The following ERN2 variants were observed in gnomAD, a reference collection of about 807,000 sequenced individuals.
ERN2 encodes endoplasmic reticulum to nucleus signaling 2, also known as serine/threonine-protein kinase/endoribonuclease IRE2.
In ERN2, 111 loss-of-function variants were observed where a neutral mutation model predicts 107.9. The ratio of observed to expected loss-of-function variants is 1.03; its 90% CI spans 0.88 to 1.20. ERN2 has a LOEUF of 1.20. ERN2 is among the 50% of genes most tolerant of loss of function. The pLI, the probability that ERN2 is intolerant of heterozygous loss-of-function variation, is 0.00. For missense variants in ERN2, 1,225 were observed against 1,197.9 expected (o/e 1.02, Z -0.33); for synonymous variants, 524 against 501.7 (o/e 1.04, Z -0.59).
intron 2 of ERN2, 137 bp downstream of exon 2, chr16:23,710,776 C>T (rs980077375): frequency 2.4e-6 from 2 of 827,184 alleles, no homozygotes; most frequent in Admixed American, 4.4e-5. Flanking sequence ...GGCCACACAG[C>T]TGGTAAGCAG....
chr16:23,704,838 A>G (rs1960229953), intron 8 of ERN2, 45 bp downstream of exon 8: 1 of 1,586,186 alleles, frequency 6.3e-7, no homozygotes, highest in Non-Finnish European at 8.5e-7. Context: ...AGGTTGCGAC[A>G]CTCCCAGATG....
In ERN2 at chr16:23,707,036, C is replaced by G; in HGVS notation, c.350G>C (p.Cys117Ser). Residue 117 changes from cysteine (C) to serine (S), a missense_variant, in exon 5 of 22, where the codon TGC becomes TCC. Transcript: ENST00000256797. Reference protein sequence around the residue: ...TIPELVHASPCRSSDGVFYTG... With the variant: ...TIPELVHASPSRSSDGVFYTG... ...GTAGAAGACCCCATCAGAGCTGCGG[C>G]AGGGAGAGGCATGAACCAGCTCAGG... 6.2e-7 allele frequency: 1 copy of G among 1,614,134 alleles called. No individual in the cohort carries two copies. The highest frequency in any genetic ancestry group is 8.5e-7 in the Non-Finnish European group (1 of 1,180,002).
At position 23,691,993 on chromosome 16, in the gene ERN2, C is replaced by T. The variant is rs1226637252; in HGVS notation, c.2346G>A (p.Trp782Ter). ...AGAACTGGAGTTGCTTGGCTCTGCT[C>T]CAAAAGAAGGGGTGGGCCAGCACCT... ...APQVLAHPFF[W>*]SRAKQLQFFQ... The change falls in exon 19 of 22, where the codon TGG becomes TGA. Residue 782 changes from tryptophan (W) to a stop codon, truncating the protein, a stop_gained. Transcript: ENST00000256797. LOFTEE classifies it high-confidence loss of function. 1 of 1,613,562 alleles carries T rather than the reference C, an allele frequency of 6.2e-7. No individual in the cohort carries two copies. Among genetic ancestry groups the T allele is most frequent in the South Asian group, 1.1e-5 (1 of 91,014 alleles).
rs1343132033 is a variant in ERN2, at chr16:23,710,911, A to G, written c.199+2T>C. 1 of 1,607,414 alleles carries G rather than the reference A, an allele frequency of 6.2e-7. No homozygotes were observed. The highest frequency in any genetic ancestry group is 8.5e-7 in the Non-Finnish European group (1 of 1,174,034). On this transcript the variant is annotated splice_donor_variant, in intron 2 of 21. Coordinates refer to ENST00000256797, the MANE Select transcript of ERN2 (RefSeq NM_033266.4). LOFTEE classifies it high-confidence loss of function. ...AGGGAGGAGGGACCACCTCTTGCTC[A>G]CCATCCCTCAGAGTCCACTTCAGGT...
intron 8 of ERN2, 59 bp downstream of exon 8, chr16:23,704,824 A>C: frequency 6.4e-7 from 1 of 1,562,150 alleles, no homozygotes; most frequent in Non-Finnish European, 8.7e-7. Flanking sequence ...TGGCCATCAG[A>C]CCCAGGTTGC....
chr16:23,695,755 A>G (rs1417159882), intron 14 of ERN2, 139 bp downstream of exon 14: 6 of 581,124 alleles, frequency 1.0e-5, no homozygotes, highest in African/African-American at 1.9e-5. Context: ...AAACAGATAA[A>G]GGAAAGAGCA....
rs201293492 is a variant in ERN2, at chr16:23,707,552, G to GA, written c.307-474dup. ...AACACGGTGAGACCTCGTCTCTACA[G>GA]AAAAAAAAAAAAATTTGCTGAATAT... On this transcript the variant is annotated intron_variant, in intron 4 of 21. Coordinates refer to ENST00000256797, the MANE Select transcript of ERN2 (RefSeq NM_033266.4). Among the ~76,000 whole-genome samples the GA allele has an allele frequency of 8.6e-3, 1,257 of 145,556 alleles. 2 individuals are homozygous for GA. Among genetic ancestry groups the GA allele is most frequent in the Admixed American group, 0.013 (187 of 14,540 alleles).
chr16:23,695,198 ACCT>A lies in ERN2; in HGVS notation c.1799_1800+1del, dbSNP rs1959758024. 1 of 1,613,608 alleles carries A rather than the reference ACCT, an allele frequency of 6.2e-7. No homozygotes were observed. The highest frequency in any genetic ancestry group is 8.5e-7 in the Non-Finnish European group (1 of 1,179,744). The stretch of plus-strand genomic sequence containing the variant: ...CCCTCCCTGAACCGCAATGCAACTC[ACCT>A]CCTGCAAGGAGGCCCGGCAGAGCTC... On this transcript the variant is annotated splice_donor_variant and coding_sequence_variant, in exon 15 of 22. Transcript: ENST00000256797. LOFTEE classifies it high-confidence loss of function.
rs776832590 is a variant in ERN2 at position 23,706,331 on chromosome 16, T to C, written c.588A>G (p.Lys196=). The change falls in exon 7 of 22, where the codon AAA becomes AAG. Residue 196 remains lysine (K), a splice_region_variant and synonymous_variant. Coordinates refer to ENST00000256797, the MANE Select transcript of ERN2 (RefSeq NM_033266.4). ...SAPPMDGSPG[K]YMSHLASCGM... is the part of the protein sequence containing the mutation. ...GGACCAGAGAAAGGTGGAACTCACA[T>C]TTCCCAGGTGAGCCATCCATGGGGG... 2.6e-6 allele frequency: 4 copies of C among 1,524,350 alleles called. No individual in the cohort carries two copies. In the South Asian group the frequency reaches 5.1e-5, roughly 20 times the overall value. 94.4% of individuals were successfully genotyped at this position (1,524,350 alleles called of 1,614,324 possible). A position where few individuals can be genotyped will look rare whatever the true frequency, so the allele number is the denominator to read the frequency against.
At chr16:23,707,688 A>C (rs1238509715) in intron 4 of ERN2, among the ~76,000 whole-genome samples, 1 of 152,194 alleles carries the variant, frequency 6.6e-6, no homozygotes, top group East Asian at 1.9e-4. Flanking sequence ...ACTCCAGCCG[A>C]GGCAATAGAG....
intron 13 of ERN2, among the ~76,000 whole-genome samples, chr16:23,698,860 T>A (rs1418771005): frequency 6.6e-6 from 1 of 152,164 alleles, no homozygotes; most frequent in East Asian, 1.9e-4. Flanking sequence ...AGTGCTGGGA[T>A]TACAGGCATG....
chr16:23,692,264 G>A lies in ERN2; in HGVS notation c.2168C>T (p.Pro723Leu). The change falls in exon 18 of 22, where the codon CCC (proline) becomes CTC (leucine). Residue 723 changes from proline (P) to leucine (L), a missense_variant. Pro to Leu is a moderately conservative substitution (Grantham distance 98). Coordinates refer to ENST00000256797, the MANE Select transcript of ERN2 (RefSeq NM_033266.4). ...FYYVLSGGSH[P>L]FGDSLYRQAN... ...CTGGCGATAAAGACTGTCTCCAAAG[G>A]GGTGGCTGCCACCAGAAAGCACGTA... The A allele has an allele frequency of 1.2e-6, 2 of 1,614,140 alleles. No individual in the cohort carries two copies. Among genetic ancestry groups the A allele is most frequent in the Non-Finnish European group, 1.7e-6 (2 of 1,180,036 alleles).
At chr16:23,696,289 G>A (rs1449091931) in intron 13 of ERN2, among the ~76,000 whole-genome samples, 1 of 152,224 alleles carries the variant, frequency 6.6e-6, no homozygotes, top group Non-Finnish European at 1.5e-5. Context: ...TGGAAAGAAC[G>A]GGTGGAGGTG....
intron 1 of ERN2, among the ~76,000 whole-genome samples, chr16:23,711,710 C>G (rs1465774894): frequency 6.6e-6 from 1 of 152,190 alleles, no homozygotes; most frequent in Admixed American, 6.5e-5. Flanking sequence ...GACTGAGGCT[C>G]AGGAAAGTTA....
Position 23,710,933 on chromosome 16 carries a change from A to G in ERN2, c.179T>C (p.Leu60Pro). ...CTCACCATCCCTCAGAGTCCACTTCAGGTCCCCTGTCTGCTTGCTTAGTGC... is the reference window on the plus strand; with the variant it reads ...CTCACCATCCCTCAGAGTCCACTTCGGGTCCCCTGTCTGCTTGCTTAGTGC... ...LHALSKQTGD[L>P]KWTLRDDPVI... Residue 60 changes from leucine (L) to proline (P), a missense_variant, in exon 2 of 22, where the codon CTG (leucine) becomes CCG (proline). Physicochemically the swap from Leu to Pro is moderately conservative, Grantham distance 98. Coordinates refer to ENST00000256797, the MANE Select transcript of ERN2 (RefSeq NM_033266.4). 1 of 1,613,724 alleles carries G rather than the reference A, an allele frequency of 6.2e-7. No individual in the cohort carries two copies. Among genetic ancestry groups the G allele is most frequent in the Non-Finnish European group, 8.5e-7 (1 of 1,179,600 alleles).
Position 23,691,412 on chromosome 16 carries a change from C to T in ERN2, c.2390G>A (p.Trp797Ter). ...QLQFFQDVSD[W>*]LEKESEQEPL... ...CTCCTGCTCGGACTCCTTCTCCAGC[C>T]AGTCACTGACGTCCTGGGGCCCAGA... The change falls in exon 20 of 22, where the codon TGG becomes TAG. Residue 797 changes from tryptophan (W) to a stop codon, truncating the protein, a stop_gained. Coordinates refer to ENST00000256797, the MANE Select transcript of ERN2 (RefSeq NM_033266.4). LOFTEE classifies it high-confidence loss of function. 1.3e-6 allele frequency: 2 copies of T among 1,599,332 alleles called. No homozygotes were observed. The highest frequency in any genetic ancestry group is 1.7e-6 in the Non-Finnish European group (2 of 1,179,654).
intron 17 of ERN2, among the ~76,000 whole-genome samples, chr16:23,694,016 GAGAA>G (rs749346612): frequency 6.6e-5 from 10 of 152,098 alleles, no homozygotes; most frequent in South Asian, 2.1e-4. Flanking sequence ...TGTTTTTTGA[GAGAA>G]AGAGTCTCAC....
chr16:23,710,295 T>G (rs1366885500), intron 3 of ERN2, 51 bp from the exon 4 acceptor site: 1 of 1,483,986 alleles, frequency 6.7e-7, no homozygotes, highest in Non-Finnish European at 9.4e-7. Context: ...CCCCCTGGTT[T>G]CATGAAGGCC....
At chr16:23,701,165 C>G in intron 11 of ERN2, 51 bp from the exon 12 acceptor site, 1 of 1,576,858 alleles carries the variant, frequency 6.3e-7, no homozygotes, top group Non-Finnish European at 8.6e-7. Flanking sequence ...CCAGGGAACC[C>G]CTAACTTTTC....
Sources: allele counts gnomAD v4.1 joint callset (sites outside exome capture counted in the v4.1 genomes callset), GRCh38; gene constraint gnomAD v4.1.1; transcripts MANE v1.5; gene names NCBI Gene and HGNC (gene_info 2026-07-23, HGNC 2026-07-21).